The following PTPRM variants were observed in gnomAD, a reference collection of about 807,000 sequenced individuals.
PTPRM encodes receptor-type tyrosine-protein phosphatase mu.
In PTPRM, 47 loss-of-function variants were observed where a neutral mutation model predicts 186.7. That is an observed-to-expected ratio of 0.25 (90% CI 0.20 to 0.32). PTPRM has a LOEUF of 0.32. PTPRM is among the 10% of genes least tolerant of loss of function. The pLI, the probability that PTPRM is intolerant of heterozygous loss-of-function variation, is 1.00. For synonymous variants in PTPRM, 668 were observed against 674.9 expected (o/e 0.99, Z 0.16); for missense variants, 1,494 against 1,865.0 (o/e 0.80, Z 3.66).
chr18:7,818,239 C>A (rs2145575193), intron 2 of PTPRM, among the ~76,000 whole-genome samples: 1 of 152,214 alleles, frequency 6.6e-6, no homozygotes, highest in Non-Finnish European at 1.5e-5. Context: ...TGGAAAGTAG[C>A]TTAATAGTTA....
chr18:7,875,319 C>T (rs986671647), intron 2 of PTPRM, among the ~76,000 whole-genome samples: 7 of 150,854 alleles, frequency 4.6e-5, no homozygotes, highest in African/African-American at 1.7e-4. Context: ...TTCTTGGTAA[C>T]GTGCACCATT....
intron 19 of PTPRM, among the ~76,000 whole-genome samples, chr18:8,257,900 A>T (rs2147452739): frequency 6.6e-6 from 1 of 152,322 alleles, no homozygotes; most frequent in African/African-American, 2.4e-5. Flanking sequence ...TTCATTACTG[A>T]TCAAGTAGCC....
At chr18:7,953,094 G>A (rs1448123296) in intron 6 of PTPRM, among the ~76,000 whole-genome samples, 1 of 152,190 alleles carries the variant, frequency 6.6e-6, no homozygotes, top group Non-Finnish European at 1.5e-5. Context: ...ATTATTTCCA[G>A]GTTCTAGTTG....
chr18:8,240,444 AGAG>A (rs2094402326), intron 14 of PTPRM, among the ~76,000 whole-genome samples: 1 of 68,058 alleles, frequency 1.5e-5, no homozygotes, highest in African/African-American at 6.4e-5. Context: ...TCAAAAATAA[AGAG>A]AGAGAGAGAG....
chr18:8,175,187 TTCA>T (rs1297482605), intron 14 of PTPRM, among the ~76,000 whole-genome samples: 1 of 152,186 alleles, frequency 6.6e-6, no homozygotes, highest in Non-Finnish European at 1.5e-5. Context: ...TTAAGGAAAA[TTCA>T]CCACATGCAA....
At chr18:7,925,085 T>C (rs2051092455) in intron 4 of PTPRM, among the ~76,000 whole-genome samples, 1 of 152,210 alleles carries the variant, frequency 6.6e-6, no homozygotes, top group South Asian at 2.1e-4. Flanking sequence ...AAGGTTACCT[T>C]GTTCCATTTT....
intron 3 of PTPRM, among the ~76,000 whole-genome samples, chr18:7,900,525 G>A (rs189509336): frequency 6.6e-6 from 1 of 152,152 alleles, no homozygotes; most frequent in Non-Finnish European, 1.5e-5. Context: ...TTTAGAACCT[G>A]TGTATCTATA....
At chr18:8,399,854 T>C (rs1254785714) in intron 32 of PTPRM, 2 of 152,132 alleles carry the variant, frequency 1.3e-5, no homozygotes, top group African/African-American at 4.8e-5. Flanking sequence ...AATCGACAAC[T>C]AAAAGCCATT....
chr18:7,821,204 T>G (rs2045174610), intron 2 of PTPRM, among the ~76,000 whole-genome samples: 1 of 152,166 alleles, frequency 6.6e-6, no homozygotes, highest in Non-Finnish European at 1.5e-5. Context: ...TAGTCTACCA[T>G]GGACACTCTC....
intron 23 of PTPRM, among the ~76,000 whole-genome samples, chr18:8,345,979 G>T (rs1001581064): frequency 1.3e-5 from 2 of 152,194 alleles, no homozygotes; most frequent in Non-Finnish European, 2.9e-5. Context: ...ACCAGACAAG[G>T]GGGGAGGTAC....
intron 5 of PTPRM, among the ~76,000 whole-genome samples, chr18:7,928,205 GT>G (rs1449727143): frequency 6.6e-6 from 1 of 152,216 alleles, no homozygotes; most frequent in East Asian, 1.9e-4. Flanking sequence ...GTGTCACTCT[GT>G]TTTTTCATAC....
intron 1 of PTPRM, among the ~76,000 whole-genome samples, chr18:7,703,285 AT>A (rs2040004676): frequency 6.6e-6 from 1 of 152,016 alleles, no homozygotes; most frequent in Non-Finnish European, 1.5e-5. Context: ...CATGATATTG[AT>A]TCTTCCCATC....
At chr18:7,602,581 T>G (rs2037429614) in intron 1 of PTPRM, among the ~76,000 whole-genome samples, 1 of 152,016 alleles carries the variant, frequency 6.6e-6, no homozygotes, top group South Asian at 2.1e-4. Context: ...GCACATGCCA[T>G]CTTGCCTGGC....
At chr18:8,186,986 G>T (rs1217635598) in intron 14 of PTPRM, among the ~76,000 whole-genome samples, 1 of 151,426 alleles carries the variant, frequency 6.6e-6, no homozygotes, top group South Asian at 2.1e-4. Context: ...TGTTGTGCAG[G>T]CTGGAGTGCA....
chr18:7,985,018 TATATATACATATATAA>T (rs1485730139), intron 7 of PTPRM, among the ~76,000 whole-genome samples: 9 of 124,630 alleles, frequency 7.2e-5, no homozygotes, highest in South Asian at 2.4e-4. Context: ...TACATATAAT[TATATATACATATATAA>T]ATATATACAT....
At chr18:7,838,781 G>A (rs2046185627) in intron 2 of PTPRM, among the ~76,000 whole-genome samples, 2 of 152,228 alleles carry the variant, frequency 1.3e-5, no homozygotes, top group South Asian at 2.1e-4. Context: ...CCCAGGTAGG[G>A]CCAAAGGTGC....
At chr18:7,996,144 AT>A (rs1394005946) in intron 7 of PTPRM, among the ~76,000 whole-genome samples, 1 of 151,786 alleles carries the variant, frequency 6.6e-6, no homozygotes, top group African/African-American at 2.4e-5. Flanking sequence ...GAAGTTATCC[AT>A]TTACTCTTTT....
intron 1 of PTPRM, among the ~76,000 whole-genome samples, chr18:7,596,143 C>G (rs1463442265): frequency 6.6e-6 from 1 of 152,068 alleles, no homozygotes; most frequent in African/African-American, 2.4e-5. Flanking sequence ...GCTTTGGGGC[C>G]CTTATGAAGT....
chr18:8,332,673 G>A (rs1471989900), intron 22 of PTPRM, among the ~76,000 whole-genome samples: 2 of 152,126 alleles, frequency 1.3e-5, no homozygotes, highest in African/African-American at 4.8e-5. Flanking sequence ...AGGCAATTTA[G>A]AAGAAATTGG....
Sources: allele counts gnomAD v4.1 joint callset (sites outside exome capture counted in the v4.1 genomes callset), GRCh38; gene constraint gnomAD v4.1.1; transcripts MANE v1.5; gene names NCBI Gene and HGNC (gene_info 2026-07-23, HGNC 2026-07-21).